The following SNX25 variants were observed in gnomAD, a reference collection of about 807,000 sequenced individuals.
SNX25 encodes the protein sorting nexin-25.
A neutral mutation model predicts 113.7 loss-of-function variants in SNX25; 62 were observed. The ratio of observed to expected loss-of-function variants is 0.55; its 90% CI spans 0.44 to 0.67. SNX25 has a LOEUF of 0.67. SNX25 is among the 30% of genes least tolerant of loss of function. The pLI is 0.00. For missense variants in SNX25, 1,014 were observed against 1,161.0 expected (o/e 0.87, Z 1.84); for synonymous variants, 421 against 436.2 (o/e 0.97, Z 0.43).
At chr4:185,207,371 C>T (rs1737234167), upstream of SNX25, among the ~76,000 whole-genome samples, 1 of 151,972 alleles carries the variant, frequency 6.6e-6, no homozygotes, top group Non-Finnish European at 1.5e-5. Context: ...CGCACACCAC[C>T]ACACCTGGTT....
At chr4:185,205,241 G>A (rs1050059572), upstream of SNX25, among the ~76,000 whole-genome samples, 2 of 152,214 alleles carry the variant, frequency 1.3e-5, no homozygotes, top group Non-Finnish European at 2.9e-5. Flanking sequence ...GGGGCCCCCT[G>A]AGAGGAGTTC....
At chr4:185,217,287 A>G (rs1050852010) in intron 1 of SNX25, among the ~76,000 whole-genome samples, 30 of 152,306 alleles carry the variant, frequency 2.0e-4, no homozygotes, top group Admixed American at 5.9e-4. Context: ...TGTAGCTGCA[A>G]TGATAAAAAG....
intron 1 of SNX25, among the ~76,000 whole-genome samples, chr4:185,218,639 G>C (rs1282296399): frequency 6.6e-6 from 1 of 152,154 alleles, no homozygotes; most frequent in Non-Finnish European, 1.5e-5. Flanking sequence ...AAATGAATAT[G>C]GTAACTCCAA....
chr4:185,338,281 T>G (rs2095242331), intron 10 of SNX25, among the ~76,000 whole-genome samples: 1 of 151,198 alleles, frequency 6.6e-6, no homozygotes, highest in South Asian at 2.1e-4. Context: ...TCTGTGTGTT[T>G]TTTTTTTTTT....
chr4:185,333,000 A>G (rs925643395), intron 10 of SNX25, among the ~76,000 whole-genome samples: 5 of 152,196 alleles, frequency 3.3e-5, no homozygotes, highest in African/African-American at 9.7e-5. Flanking sequence ...TGCTTTGCCT[A>G]CAGGGCCTTT....
chr4:185,329,681 C>CAGAG (rs111361928), intron 9 of SNX25, among the ~76,000 whole-genome samples: 3,794 of 149,000 alleles, frequency 0.025, 100 homozygotes, highest in African/African-American at 0.066. Context: ...AAGACAGACA[C>CAGAG]AGAGAGAGAG....
intron 1 of SNX25, among the ~76,000 whole-genome samples, chr4:185,237,301 C>T (rs547644232): frequency 6.6e-6 from 1 of 152,264 alleles, no homozygotes; most frequent in East Asian, 1.9e-4. Flanking sequence ...AAGCACAACT[C>T]AGGAAACTGT....
chr4:185,334,567 T>C lies in SNX25; in HGVS notation c.1914+1808T>C, dbSNP rs1156588687. On this transcript the variant is annotated intron_variant, in intron 10 of 18. Coordinates refer to ENST00000652585, the MANE Select transcript of SNX25 (RefSeq NM_001378034.2). This position sits in a 1 kb window ranked among gnomAD's most constrained non-coding sequence, Gnocchi z 4.2. ...TGGCAGATAATCAGTATCTGCAATA[T>C]GGCATGTTCTTTAAGAACAGTTGTC... is the stretch of plus-strand genomic sequence containing the variant. Among the ~76,000 whole-genome samples, 4 of 152,220 alleles carry C rather than the reference T, an allele frequency of 2.6e-5. No individual in the cohort carries two copies. The highest frequency in any genetic ancestry group is 2.4e-5 in the African/African-American group (1 of 41,452).
intron 1 of SNX25, among the ~76,000 whole-genome samples, chr4:185,220,718 G>A (rs1192196086): frequency 1.3e-5 from 2 of 152,040 alleles, no homozygotes; most frequent in African/African-American, 2.4e-5. Flanking sequence ...CTGACCTTGT[G>A]ATCCGCCCAC....
At chr4:185,266,400 G>T (rs929903980) in intron 4 of SNX25, among the ~76,000 whole-genome samples, 1 of 151,998 alleles carries the variant, frequency 6.6e-6, no homozygotes, top group Non-Finnish European at 1.5e-5. Context: ...TCACTCTGTC[G>T]CCAAGGCTGG....
chr4:185,295,532 C>A (rs1048022007), intron 6 of SNX25, among the ~76,000 whole-genome samples: 146 of 150,140 alleles, frequency 9.7e-4, no homozygotes, highest in African/African-American at 3.5e-3. Context: ...TCACTGCAGT[C>A]TTGACCTCCC....
At chr4:185,319,737 T>G (rs1170529125) in intron 7 of SNX25, among the ~76,000 whole-genome samples, 3 of 152,186 alleles carry the variant, frequency 2.0e-5, no homozygotes, top group Non-Finnish European at 4.4e-5. Context: ...GAATGGTTAA[T>G]AGGAAATTGG....
At chr4:185,338,366 C>G (rs1393798448) in intron 10 of SNX25, among the ~76,000 whole-genome samples, 2 of 151,758 alleles carry the variant, frequency 1.3e-5, no homozygotes, top group Non-Finnish European at 2.9e-5. Context: ...ACCTCCAACC[C>G]CTGAGTTCAA....
intron 1 of SNX25, among the ~76,000 whole-genome samples, chr4:185,231,237 T>C (rs927004714): frequency 6.6e-6 from 1 of 151,738 alleles, no homozygotes; most frequent in Non-Finnish European, 1.5e-5. Context: ...TAGCCGGGAC[T>C]ACAGGCTCCC....
At chr4:185,308,734 A>G (rs1754839551) in intron 6 of SNX25, among the ~76,000 whole-genome samples, 1 of 152,142 alleles carries the variant, frequency 6.6e-6, no homozygotes, top group African/African-American at 2.4e-5. Context: ...CTCCCTTGTC[A>G]GCTTCTCTTC....
intron 6 of SNX25, among the ~76,000 whole-genome samples, chr4:185,298,971 A>G (rs1306350145): frequency 6.6e-6 from 1 of 152,170 alleles, no homozygotes; most frequent in African/African-American, 2.4e-5. Context: ...ACCATTGTGT[A>G]TTAGGTACAG....
chr4:185,218,020 A>G (rs1020021652), intron 1 of SNX25, among the ~76,000 whole-genome samples: 2 of 152,038 alleles, frequency 1.3e-5, no homozygotes, highest in East Asian at 1.9e-4. Flanking sequence ...TCGCAGGGGC[A>G]CTCCTGGATA....
At chr4:185,312,457 G>C (rs913794702) in intron 7 of SNX25, among the ~76,000 whole-genome samples, 1 of 151,930 alleles carries the variant, frequency 6.6e-6, no homozygotes, top group African/African-American at 2.4e-5. Flanking sequence ...TTCAGTACAG[G>C]TTGTCTATCT....
intron 14 of SNX25, chr4:185,353,278 C>T: frequency 2.3e-6 from 1 of 443,802 alleles, no homozygotes; most frequent in Non-Finnish European, 4.0e-6. Flanking sequence ...TTTAAATTAG[C>T]TTATTTTAAG....
Sources: gnomAD v4.1 joint callset for allele counts (sites outside exome capture counted in the v4.1 genomes callset) on GRCh38, gnomAD v4.1.1 for gene constraint, Gnocchi (gnomAD v3.1) non-coding constraint, MANE v1.5 for transcripts, NCBI Gene and HGNC (gene_info 2026-07-23, HGNC 2026-07-21) for gene names.